Variants in DPP10 observed in about 807,000 individuals in gnomAD.
DPP10 encodes the protein dipeptidyl peptidase like 10, also known as inactive dipeptidyl peptidase 10.
A neutral mutation model predicts 120.9 loss-of-function variants in DPP10; 33 were observed. The ratio of observed to expected loss-of-function variants is 0.27; its 90% confidence interval spans 0.21 to 0.37. DPP10 has a LOEUF of 0.37. Among genes scored for constraint, DPP10 ranks in the 10% least tolerant of loss-of-function variants. The pLI, the probability that DPP10 is intolerant of heterozygous loss-of-function variation, is 1.00. For missense variants in DPP10, 816 were observed against 942.8 expected, an observed-to-expected ratio of 0.87 and a Z score of 1.76; for synonymous variants, 337 against 326.1, an observed-to-expected ratio of 1.03 and a Z score of -0.36.
chr2:115,571,131 A>G (rs2081312638), intron 5 of DPP10, among the ~76,000 whole-genome samples: 1 of 152,260 alleles, frequency 6.6e-6, no homozygotes, highest in South Asian at 2.1e-4. Context: ...AGGAAGCAGA[A>G]TAATTAGATC....
chr2:115,166,824 A>C (rs75029006), intron 1 of DPP10, among the ~76,000 whole-genome samples: 8,142 of 152,182 alleles, frequency 0.054, 323 homozygotes, highest in East Asian at 0.24. Context: ...CTCAGTAAAA[A>C]TAAAGCAAAT....
chr2:114,563,849 A>C (rs1301214145), intron 1 of DPP10, among the ~76,000 whole-genome samples: 1 of 152,014 alleles, frequency 6.6e-6, no homozygotes, highest in East Asian at 1.9e-4. Flanking sequence ...GGTCACCCTC[A>C]CCTTTCCCGG....
intron 4 of DPP10, among the ~76,000 whole-genome samples, chr2:115,514,994 G>A (rs891948134): frequency 7.3e-5 from 11 of 151,684 alleles, no homozygotes; most frequent in African/African-American, 1.2e-4. Context: ...AAGTGTATAC[G>A]TCTACATTAT....
chr2:115,639,179 G>A (rs1008762808), intron 5 of DPP10, among the ~76,000 whole-genome samples: 2 of 152,156 alleles, frequency 1.3e-5, no homozygotes, highest in Non-Finnish European at 2.9e-5. Context: ...ACCCCTCTAC[G>A]TATCTTAGGC....
chr2:115,521,356 G>C (rs895735660), intron 4 of DPP10, among the ~76,000 whole-genome samples: 1 of 152,008 alleles, frequency 6.6e-6, no homozygotes, highest in African/African-American at 2.4e-5. Context: ...AGGCTTTCTG[G>C]CATCTCTCTT....
At chr2:115,540,954 G>A (rs1414028348) in intron 5 of DPP10, among the ~76,000 whole-genome samples, 1 of 151,650 alleles carries the variant, frequency 6.6e-6, no homozygotes, top group African/African-American at 2.4e-5. Flanking sequence ...ACAATTAATG[G>A]CATAGATGTT....
intron 10 of DPP10, among the ~76,000 whole-genome samples, chr2:115,748,591 T>C (rs1678312513): frequency 6.6e-6 from 1 of 152,102 alleles, no homozygotes; most frequent in Non-Finnish European, 1.5e-5. Flanking sequence ...ATTTTTTTGT[T>C]GTTTGAATTG....
rs555159046 is a variant in DPP10 at position 114,561,995 on chromosome 2, C to T, written c.60+119157C>T. Among the ~76,000 whole-genome samples, 21 of 152,230 alleles carry T rather than the reference C, an allele frequency of 1.4e-4. 1 individual carries two copies. The highest frequency in any genetic ancestry group is 3.9e-4 in the African/African-American group (16 of 41,546). On this transcript the variant is annotated intron_variant, in intron 1 of 25. Transcript: ENST00000410059. ...AGTTAAATAACTTCAACTAAGATAA[C>T]GGGTTAATTTTGAGGAGAGTGATAA...
At chr2:115,109,264 A>G (rs2049094144) in intron 1 of DPP10, among the ~76,000 whole-genome samples, 1 of 152,114 alleles carries the variant, frequency 6.6e-6, no homozygotes. Context: ...GCGGCCAGGC[A>G]TGGTGGCTCA....
intron 1 of DPP10, among the ~76,000 whole-genome samples, chr2:114,812,070 G>A (rs1318941693): frequency 6.6e-6 from 1 of 152,094 alleles, no homozygotes; most frequent in Non-Finnish European, 1.5e-5. Context: ...TAAAATGAAA[G>A]CCTCTGTCAG....
intron 1 of DPP10, among the ~76,000 whole-genome samples, chr2:115,036,234 T>C: frequency 6.6e-6 from 1 of 152,134 alleles, no homozygotes. Context: ...TCACTCACTA[T>C]CACGAGGACA....
intron 1 of DPP10, among the ~76,000 whole-genome samples, chr2:114,618,881 G>A (rs1286632000): frequency 6.6e-6 from 1 of 151,878 alleles, no homozygotes; most frequent in Non-Finnish European, 1.5e-5. Context: ...AAGGGAGCAG[G>A]GCGGCTTTGC....
intron 1 of DPP10, among the ~76,000 whole-genome samples, chr2:115,090,011 G>T (rs893441262): frequency 6.6e-6 from 1 of 151,222 alleles, no homozygotes; most frequent in African/African-American, 2.4e-5. Flanking sequence ...CACAGGGACT[G>T]CCCAGTAAAT....
chr2:114,481,589 G>A (rs1005471734), intron 1 of DPP10, among the ~76,000 whole-genome samples: 12 of 152,074 alleles, frequency 7.9e-5, no homozygotes, highest in African/African-American at 2.4e-4. Flanking sequence ...TTAAATAATT[G>A]TGGTATAAAC....
At chr2:114,511,525 T>C (rs1319543524) in intron 1 of DPP10, among the ~76,000 whole-genome samples, 1 of 152,060 alleles carries the variant, frequency 6.6e-6, no homozygotes, top group Non-Finnish European at 1.5e-5. Context: ...GTACAGCAGA[T>C]AAAAACAAAA....
At position 115,711,915 on chromosome 2, in the gene DPP10, G is replaced by GTTT. The variant is rs1491280011; in HGVS notation, c.577-15901_577-15900insTTT. On this transcript the variant is annotated intron_variant, in intron 7 of 25. Coordinates refer to ENST00000410059, the MANE Select transcript of DPP10 (RefSeq NM_020868.6). ...GAATATTGGACCTATAAAATGGTCT[G>GTTT]GTTTTTTTTTTTTTTTTTTTTTTGG... Among the ~76,000 whole-genome samples the GTTT allele has an allele frequency of 2.6e-3, 256 of 96,940 alleles. 58 individuals are homozygous for GTTT. The highest frequency in any genetic ancestry group is 9.2e-3 in the South Asian group (26 of 2,824). 63.6% of individuals were successfully genotyped at this position (96,940 alleles called of 152,430 possible).
At chr2:114,748,403 A>T (rs1368488958) in intron 1 of DPP10, among the ~76,000 whole-genome samples, 1 of 101,918 alleles carries the variant, frequency 9.8e-6, no homozygotes, top group African/African-American at 4.0e-5. Context: ...TATTTATTTT[A>T]AATTTTTTTT....
intron 1 of DPP10, among the ~76,000 whole-genome samples, chr2:114,899,853 G>A (rs992833170): frequency 1.3e-5 from 2 of 152,086 alleles, no homozygotes; most frequent in African/African-American, 4.8e-5. Context: ...CCAGCTACTC[G>A]GGAGGCTGAG....
At chr2:115,565,105 G>A (rs2080917170) in intron 5 of DPP10, among the ~76,000 whole-genome samples, 1 of 152,128 alleles carries the variant, frequency 6.6e-6, no homozygotes, top group Admixed American at 6.5e-5. Context: ...CCTCCAAAAA[G>A]CAGAAGTTAG....
Sources: allele counts gnomAD v4.1 joint callset (sites outside exome capture counted in the v4.1 genomes callset), GRCh38; gene constraint gnomAD v4.1.1; transcripts MANE v1.5; gene names NCBI Gene and HGNC (gene_info 2026-07-23, HGNC 2026-07-21).